Variants in COL11A1 observed in about 807,000 individuals in gnomAD.
COL11A1 encodes collagen alpha-1(XI) chain.
In COL11A1, 74 loss-of-function variants were observed where a neutral mutation model predicts 265.2. The observed-to-expected ratio is 0.28, with a 90% CI of 0.23 to 0.34. COL11A1 has a LOEUF of 0.34. COL11A1 is among the 10% of genes least tolerant of loss of function. The probability of loss-of-function intolerance (pLI) is 1.00; values close to 1 mark genes in which losing one functional copy is unlikely to be tolerated. For synonymous variants in COL11A1, 816 were observed against 727.6 expected, an observed-to-expected ratio of 1.12 and a Z score of -1.96; for missense variants, 2,165 against 2,263.6, an observed-to-expected ratio of 0.96 and a Z score of 0.88.
At chr1:102,931,498 G>T (rs1231007339) in intron 46 of COL11A1, among the ~76,000 whole-genome samples, 1 of 152,150 alleles carries the variant, frequency 6.6e-6, no homozygotes, top group Non-Finnish European at 1.5e-5. Flanking sequence ...TTGCTGAGGA[G>T]AGCTTTACTT....
In COL11A1 at chr1:103,014,546, C is replaced by T. The variant is rs1288240581; in HGVS notation, c.1537G>A (p.Glu513Lys). 3 of 1,613,646 alleles carry T rather than the reference C, an allele frequency of 1.9e-6. No homozygotes were observed. The highest frequency in any genetic ancestry group is 2.5e-6 in the Non-Finnish European group (3 of 1,179,788). The part of the protein sequence containing the change: ...GSKGPTISAQ[E>K]AQAQAILQQA... ...TGAAGAATAGCTTGAGCCTGAGCTT[C>T]CTGAGCAGAGATGGTTGGTCCTTTG... Residue 513 changes from glutamate to lysine, a missense_variant, in exon 13 of 67, where the codon GAA becomes AAA. Physicochemically the swap from Glu to Lys is moderately conservative, Grantham distance 56. Coordinates refer to ENST00000370096, the MANE Select transcript of COL11A1 (RefSeq NM_001854.4).
chr1:102,959,354 G>A (rs1264659630), intron 41 of COL11A1, among the ~76,000 whole-genome samples: 1 of 152,080 alleles, frequency 6.6e-6, no homozygotes, highest in African/African-American at 2.4e-5. Context: ...TGTCCCACTT[G>A]GGCAAAAACA....
At chr1:103,026,147 G>T in intron 6 of COL11A1, 69 bp downstream of exon 6, 1 of 1,250,382 alleles carries the variant, frequency 8.0e-7, no homozygotes, top group Non-Finnish European at 1.2e-6. Context: ...TTGAGGAACA[G>T]TCAACATAAG....
In COL11A1 at chr1:102,895,663, C is replaced by T. The variant is rs189500200; in HGVS notation, c.4302+2462G>A. ...GAAACCTCTATGAATTTCCAAATCT[C>T]GTTAATCTCACAGCCACTGTGTTAT... is the stretch of plus-strand genomic sequence containing the variant. On this transcript the variant is annotated intron_variant, in intron 57 of 66. Transcript: ENST00000370096. 2.9e-3 allele frequency among the ~76,000 whole-genome samples: 440 copies of T among 151,946 alleles called. 2 individuals carry two copies. The highest frequency in any genetic ancestry group is 3.7e-3 in the Admixed American group (56 of 15,202).
intron 23 of COL11A1, among the ~76,000 whole-genome samples, 185 bp downstream of exon 23, chr1:103,002,243 G>A (rs534578227): frequency 2.0e-5 from 3 of 152,110 alleles, no homozygotes; most frequent in Non-Finnish European, 4.4e-5. Flanking sequence ...TTTTTCCCTG[G>A]GAAGAGAGGG....
intron 42 of COL11A1, among the ~76,000 whole-genome samples, chr1:102,945,233 T>C (rs1470588807): frequency 6.7e-6 from 1 of 148,420 alleles, no homozygotes; most frequent in Non-Finnish European, 1.5e-5. Context: ...ACAAAGGGAA[T>C]TTGTTTTCTT....
At chr1:102,989,425 A>C (rs1052497909) in intron 29 of COL11A1, 93 bp downstream of exon 29, 1 of 682,502 alleles carries the variant, frequency 1.5e-6, no homozygotes, top group Admixed American at 3.3e-5. Flanking sequence ...CATTTTATTT[A>C]TCATATGCTT....
At chr1:103,079,285 A>G (rs1672218752) in intron 2 of COL11A1, among the ~76,000 whole-genome samples, 1 of 152,048 alleles carries the variant, frequency 6.6e-6, no homozygotes, top group African/African-American at 2.4e-5. Context: ...TAATGACCCA[A>G]TTTACAAACG....
At chr1:103,048,691 A>C (rs1669525889) in intron 4 of COL11A1, among the ~76,000 whole-genome samples, 1 of 152,030 alleles carries the variant, frequency 6.6e-6, no homozygotes, top group Non-Finnish European at 1.5e-5. Context: ...TTGTGATGTT[A>C]GGGTGTCAAT....
At chr1:102,934,773 G>T (rs534049488) in intron 45 of COL11A1, among the ~76,000 whole-genome samples, 36 of 152,200 alleles carry the variant, frequency 2.4e-4, no homozygotes, top group African/African-American at 8.7e-4. Context: ...ATTTGATCCT[G>T]TATACCAAGT....
At chr1:103,103,042 C>A (rs1393285796) in intron 1 of COL11A1, among the ~76,000 whole-genome samples, 1 of 151,906 alleles carries the variant, frequency 6.6e-6, no homozygotes, top group Admixed American at 6.6e-5. Flanking sequence ...ACATTAACTG[C>A]CCATTTATGC....
intron 25 of COL11A1, among the ~76,000 whole-genome samples, chr1:102,997,465 T>C (rs931430426): frequency 4.6e-5 from 7 of 152,022 alleles, no homozygotes; most frequent in Admixed American, 1.3e-4. Context: ...AAATCTGCCT[T>C]ATATTTAGCA....
chr1:103,018,332 CAA>C (rs1436000169), intron 10 of COL11A1, among the ~76,000 whole-genome samples: 3 of 152,104 alleles, frequency 2.0e-5, no homozygotes, highest in Non-Finnish European at 4.4e-5. Flanking sequence ...ATTAATTCCA[CAA>C]AAGACAGAGG....
intron 4 of COL11A1, among the ~76,000 whole-genome samples, chr1:103,036,134 C>A (rs1192668716): frequency 1.3e-5 from 2 of 151,440 alleles, no homozygotes; most frequent in Non-Finnish European, 3.0e-5. Flanking sequence ...CCTAAATTTT[C>A]TCCTAGCTTT....
intron 44 of COL11A1, 81 bp downstream of exon 44, chr1:102,938,954 G>A: frequency 8.5e-7 from 1 of 1,179,410 alleles, no homozygotes; most frequent in South Asian, 1.2e-5. Context: ...AAAGTAAGTA[G>A]CACTATATAA....
chr1:102,901,012 A>C (rs775488297), intron 54 of COL11A1, among the ~76,000 whole-genome samples: 2 of 152,162 alleles, frequency 1.3e-5, no homozygotes, highest in Non-Finnish European at 2.9e-5. Context: ...TGAATTGATT[A>C]ATAATAAATA....
intron 57 of COL11A1, among the ~76,000 whole-genome samples, chr1:102,893,987 C>A (rs940111800): frequency 6.6e-6 from 1 of 151,942 alleles, no homozygotes; most frequent in Non-Finnish European, 1.5e-5. Flanking sequence ...ATTTTGTTAT[C>A]AAAAGCAGAA....
At chr1:103,058,498 C>T (rs1670408497) in intron 4 of COL11A1, among the ~76,000 whole-genome samples, 1 of 152,182 alleles carries the variant, frequency 6.6e-6, no homozygotes, top group Non-Finnish European at 1.5e-5. Flanking sequence ...AAAGGCCTGG[C>T]CTTTGGCTTA....
chr1:103,032,956 A>C (rs1668095310), intron 4 of COL11A1, among the ~76,000 whole-genome samples: 1 of 152,126 alleles, frequency 6.6e-6, no homozygotes, highest in African/African-American at 2.4e-5. Context: ...AGCCTTGTCC[A>C]ACCATCACTA....
Sources: allele counts gnomAD v4.1 joint callset (sites outside exome capture counted in the v4.1 genomes callset), GRCh38; gene constraint gnomAD v4.1.1; transcripts MANE v1.5; gene names NCBI Gene and HGNC (gene_info 2026-07-23, HGNC 2026-07-21).